DOCK1: variants seen among roughly 807,000 people sequenced by gnomAD.
The protein encoded by DOCK1 is dedicator of cytokinesis protein 1.
Under a neutral mutation model 262.7 loss-of-function variants are expected in DOCK1, and 138 were observed. The observed-to-expected ratio is 0.53, with a 90% CI of 0.46 to 0.61. DOCK1 has a LOEUF of 0.61. Among genes scored for constraint, DOCK1 ranks in the 20% least tolerant of loss-of-function variants. The pLI, the probability that DOCK1 is intolerant of heterozygous loss-of-function variation, is 0.00. For synonymous variants in DOCK1, 866 were observed against 867.4 expected, an observed-to-expected ratio of 1.00 and a Z score of 0.03; for missense variants, 1,908 against 2,370.7, an observed-to-expected ratio of 0.80 and a Z score of 4.05.
intron 32 of DOCK1, 146 bp from the exon 33 acceptor site, chr10:127,361,918 C>A: frequency 2.3e-6 from 2 of 885,404 alleles, no homozygotes; most frequent in Non-Finnish European, 3.3e-6. Context: ...TCAAAATCAT[C>A]ATCTGCAGAC....
chr10:127,042,520 G>A (rs2044086258), intron 19 of DOCK1, 105 bp from the exon 20 acceptor site: 4 of 1,022,724 alleles, frequency 3.9e-6, no homozygotes, highest in Non-Finnish European at 4.6e-6. Flanking sequence ...GGTAGTGCTG[G>A]GGGCAAAGTG....
At chr10:127,213,766 C>T (rs545864714) in intron 27 of DOCK1, among the ~76,000 whole-genome samples, 3 of 152,316 alleles carry the variant, frequency 2.0e-5, no homozygotes, top group Non-Finnish European at 4.4e-5. Context: ...GGCTGTGTAG[C>T]GCACAAGGGG....
At chr10:127,177,469 T>G (rs1389238443) in intron 27 of DOCK1, among the ~76,000 whole-genome samples, 7 of 152,234 alleles carry the variant, frequency 4.6e-5, no homozygotes, top group East Asian at 1.9e-4. Context: ...GAGTTAAGTG[T>G]GTTGTTTGTG....
chr10:127,315,590 A>G (rs2062240883), intron 29 of DOCK1, among the ~76,000 whole-genome samples: 1 of 152,128 alleles, frequency 6.6e-6, no homozygotes, highest in Non-Finnish European at 1.5e-5. Context: ...AAGCCCCACT[A>G]CCTGTGGCCT....
At chr10:127,133,519 A>G (rs1008604675) in intron 27 of DOCK1, among the ~76,000 whole-genome samples, 8 of 152,196 alleles carry the variant, frequency 5.3e-5, no homozygotes, top group Non-Finnish European at 1.5e-5. Context: ...CAATGGTTTT[A>G]TAAGTTCATT....
chr10:126,936,842 G>T (rs2034588863), intron 1 of DOCK1, among the ~76,000 whole-genome samples: 1 of 152,130 alleles, frequency 6.6e-6, no homozygotes, highest in Non-Finnish European at 1.5e-5. Flanking sequence ...GTACAGTTCA[G>T]TGGTATTAAG....
chr10:126,995,511 G>A lies in DOCK1; in HGVS notation c.474-1237G>A, dbSNP rs1049743911. ...GAAAACCAGTCAGGTGTGGCGGCGC[G>A]CGCCTGCAATCCCAGGCACTCCGCA... On this transcript the variant is annotated intron_variant, in intron 6 of 51. Transcript: ENST00000623213. The surrounding 1 kb of genome is among the most constrained non-coding windows in gnomAD (Gnocchi z 5.8). Among the ~76,000 whole-genome samples the A allele has an allele frequency of 6.6e-6, 1 of 152,202 alleles. No individual in the cohort carries two copies. Among genetic ancestry groups the A allele is most frequent in the African/African-American group, 2.4e-5 (1 of 41,470 alleles).
chr10:126,986,327 C>CAA (rs10678423), intron 4 of DOCK1, among the ~76,000 whole-genome samples: 34,675 of 152,100 alleles, frequency 0.23, 4,609 homozygotes, highest in South Asian at 0.38. Context: ...AATCGTGAGC[C>CAA]AGTCAGGGTT....
chr10:127,038,645 G>A (rs901523076), intron 19 of DOCK1, among the ~76,000 whole-genome samples: 18 of 152,114 alleles, frequency 1.2e-4, no homozygotes, highest in Non-Finnish European at 1.5e-5. Flanking sequence ...TTCTTCCCAC[G>A]GGACGCTCTG....
chr10:127,034,319 A>G (rs1243931977), intron 18 of DOCK1, among the ~76,000 whole-genome samples: 1 of 151,968 alleles, frequency 6.6e-6, no homozygotes, highest in Non-Finnish European at 1.5e-5. Context: ...AGAGAGAGAG[A>G]GCTTGTGCAG....
At chr10:126,964,083 A>G in intron 1 of DOCK1, among the ~76,000 whole-genome samples, 1 of 152,268 alleles carries the variant, frequency 6.6e-6, no homozygotes. Context: ...TACAGTGGGT[A>G]ATGTTGGGTA....
Position 126,995,581 on chromosome 10 carries a change from A to G in DOCK1, c.474-1167A>G, listed in dbSNP as rs999386578. On this transcript the variant is annotated intron_variant, in intron 6 of 51. Coordinates refer to ENST00000623213, the MANE Select transcript of DOCK1 (RefSeq NM_001290223.2). This position sits in a 1 kb window ranked among gnomAD's most constrained non-coding sequence, Gnocchi z 5.8. ...GGCAGGGAGGCTGCAGTGAGCCGAGATGGCGGCAGTACAGTCCAGCCTTGG... is the reference window on the plus strand; with the variant it reads ...GGCAGGGAGGCTGCAGTGAGCCGAGGTGGCGGCAGTACAGTCCAGCCTTGG... 6.6e-6 allele frequency among the ~76,000 whole-genome samples: 1 copy of G among 152,194 alleles called. No individual in the cohort carries two copies. The highest frequency in any genetic ancestry group is 1.5e-5 in the Non-Finnish European group (1 of 68,036).
chr10:127,225,780 A>C (rs2058611618), intron 27 of DOCK1, among the ~76,000 whole-genome samples: 3 of 152,170 alleles, frequency 2.0e-5, no homozygotes, highest in Admixed American at 2.0e-4. Context: ...AACCTGATGT[A>C]CCCATAAGAA....
At chr10:127,094,478 G>C (rs952286414) in intron 23 of DOCK1, among the ~76,000 whole-genome samples, 5 of 152,138 alleles carry the variant, frequency 3.3e-5, no homozygotes. Flanking sequence ...CTACCTGTGA[G>C]TGTCTGTGTA....
chr10:126,969,728 T>C lies in DOCK1; in HGVS notation c.47-974T>C, dbSNP rs541096288. On this transcript the variant is annotated intron_variant, in intron 1 of 51. Transcript: ENST00000623213. ...GGCTGGACTGGCTTCTTTCCTTCAG[T>C]AGAAGCAAGGGCCCAGGGAAGGGAG... Among the ~76,000 whole-genome samples the C allele has an allele frequency of 1.8e-4, 27 of 152,212 alleles. No individual in the cohort carries two copies. The East Asian group carries it at 2.9e-3, about 16-fold the overall frequency.
Position 127,024,784 on chromosome 10 carries a change from G to GTA in DOCK1, c.1551+3_1551+4dup, listed in dbSNP as rs1208813838. 1.0e-5 allele frequency: 16 copies of GTA among 1,598,214 alleles called. No homozygotes were observed. Among genetic ancestry groups the GTA allele is most frequent in the Non-Finnish European group, 1.4e-5 (16 of 1,170,726 alleles). On this transcript the variant is annotated splice_donor_variant, in intron 15 of 51. Coordinates refer to ENST00000623213, the MANE Select transcript of DOCK1 (RefSeq NM_001290223.2). LOFTEE classifies it high-confidence loss of function. ...GCCACGCTGGTTTGAGACTGTTAAG[G>GTA]TATTATTTACATGGTCATTTTATCA...
rs148456936 is a variant in DOCK1, at chr10:127,201,501, C to T, written c.2848-46507C>T. Among the ~76,000 whole-genome samples the T allele has an allele frequency of 3.2e-3, 488 of 152,260 alleles. 2 individuals are homozygous for T. The highest frequency in any genetic ancestry group is 5.2e-3 in the Non-Finnish European group (351 of 68,026). On this transcript the variant is annotated intron_variant, in intron 27 of 51. Coordinates refer to ENST00000623213, the MANE Select transcript of DOCK1 (RefSeq NM_001290223.2). ...GGAAAACCTGAGCATCGTGAGGACT[C>T]GTTGAGATCCCTGGCTTTCTATGAT... is the stretch of plus-strand genomic sequence containing the variant.
intron 31 of DOCK1, among the ~76,000 whole-genome samples, chr10:127,350,451 T>C (rs1360537554): frequency 6.6e-6 from 1 of 152,140 alleles, no homozygotes; most frequent in Non-Finnish European, 1.5e-5. Context: ...ACCCTCTTCG[T>C]CCAGATTTCG....
chr10:127,199,885 G>C (rs192891234), intron 27 of DOCK1, among the ~76,000 whole-genome samples: 64 of 152,252 alleles, frequency 4.2e-4, no homozygotes, highest in African/African-American at 1.5e-3. Context: ...TTACCCCTCA[G>C]TGAACCAGTG....
Sources: allele counts gnomAD v4.1 joint callset (sites outside exome capture counted in the v4.1 genomes callset), GRCh38; gene constraint gnomAD v4.1.1; non-coding constraint Gnocchi (gnomAD v3.1); transcripts MANE v1.5; gene names NCBI Gene and HGNC (gene_info 2026-07-23, HGNC 2026-07-21).